Variants in TSHZ3 observed in about 807,000 individuals in gnomAD.
TSHZ3 encodes teashirt zinc finger homeobox 3.
A neutral mutation model predicts 64.5 loss-of-function variants in TSHZ3; 10 were observed. The ratio of observed to expected loss-of-function variants is 0.16; its 90% CI spans 0.10 to 0.26. The LOEUF is 0.26. TSHZ3 is among the 10% of genes least tolerant of loss of function. The pLI is 1.00. For missense variants in TSHZ3, 1,242 were observed against 1,421.7 expected (o/e 0.87, Z 2.03); for synonymous variants, 608 against 593.1 (o/e 1.03, Z -0.36).
chr19:31,228,189 A>T (rs946666598), intron 3 of TSHZ3, among the ~76,000 whole-genome samples: 2 of 152,162 alleles, frequency 1.3e-5, no homozygotes, highest in Non-Finnish European at 2.9e-5. Flanking sequence ...AAGAGCTTCA[A>T]GACATTATTG....
At chr19:31,178,243 A>C (rs1427491247) in intron 5 of TSHZ3, among the ~76,000 whole-genome samples, 1 of 152,216 alleles carries the variant, frequency 6.6e-6, no homozygotes. Context: ...CACAGTTTGC[A>C]GAGAGAGCTG....
chr19:31,188,382 T>C (rs902174208), intron 5 of TSHZ3, among the ~76,000 whole-genome samples: 2 of 151,986 alleles, frequency 1.3e-5, no homozygotes, highest in African/African-American at 4.8e-5. Context: ...CTGCCTATTG[T>C]ACTGGCTAAA....
At position 31,278,232 on chromosome 19, in the gene TSHZ3, C is replaced by T; in HGVS notation, c.1561G>A (p.Asp521Asn). The T allele has an allele frequency of 6.2e-7, 1 of 1,614,162 alleles. No individual in the cohort carries two copies. Among genetic ancestry groups the T allele is most frequent in the Non-Finnish European group, 8.5e-7 (1 of 1,180,018 alleles). Residue 521 changes from aspartate to asparagine, a missense_variant, in exon 2 of 2, where the codon GAT becomes AAT. Physicochemically the swap from Asp to Asn is conservative, Grantham distance 23. Transcript: ENST00000240587. This position sits in a 1 kb window ranked among gnomAD's most constrained non-coding sequence, Gnocchi z 4.7. The stretch of plus-strand genomic sequence containing the variant: ...GTGTTTTCCAAGGATTTGAGGATAT[C>T]AAGCCCCCCCTTGGGACTCTCTTCT... ...DLEESPKGGLDILKSLENTVT... is the reference protein window; with the variant it reads ...DLEESPKGGLNILKSLENTVT...
At chr19:31,219,818 A>C (rs142424628) in intron 4 of TSHZ3, among the ~76,000 whole-genome samples, 1 of 149,270 alleles carries the variant, frequency 6.7e-6, no homozygotes, top group Non-Finnish European at 1.5e-5. Context: ...TATATATATA[A>C]AAAATATATA....
chr19:31,292,935 A>G (rs1976595693), intron 1 of TSHZ3, among the ~76,000 whole-genome samples: 1 of 150,936 alleles, frequency 6.6e-6, no homozygotes, highest in Non-Finnish European at 1.5e-5. Context: ...AAACCCATCC[A>G]TCCAACCAAA....
At chr19:31,241,564 G>T (rs1158352578) in intron 3 of TSHZ3, among the ~76,000 whole-genome samples, 1 of 152,116 alleles carries the variant, frequency 6.6e-6, no homozygotes, top group African/African-American at 2.4e-5. Flanking sequence ...GTGCAGTCTG[G>T]TTCTCAGCCA....
intron 1 of TSHZ3, chr19:31,308,755 G>T: frequency 2.5e-6 from 1 of 398,534 alleles, no homozygotes; most frequent in South Asian, 1.3e-4. Flanking sequence ...GACCCCTGCT[G>T]AAATCCTGGC....
At chr19:31,230,098 T>C (rs1039250697) in intron 3 of TSHZ3, among the ~76,000 whole-genome samples, 1 of 152,194 alleles carries the variant, frequency 6.6e-6, no homozygotes, top group Non-Finnish European at 1.5e-5. Context: ...TTTAAAAATG[T>C]TCCCTGGAAG....
rs781332801 is a variant in TSHZ3, at chr19:31,277,705, C to A, written c.2088G>T (p.Lys696Asn). ...TGCCACTCAAACTGCTGGCTAGGGGCTTCACCAGCTCCTTGCCATTCTCCA... is the reference window on the plus strand; with the variant it reads ...TGCCACTCAAACTGCTGGCTAGGGGATTCACCAGCTCCTTGCCATTCTCCA... ...EPVENGKELV[K>N]PLASSLSGST... Residue 696 changes from lysine (K) to asparagine (N), a missense_variant, in exon 2 of 2, where the codon AAG (lysine) becomes AAT (asparagine). By Grantham distance (94) the Lys-to-Asn change is moderately conservative. Coordinates refer to ENST00000240587, the MANE Select transcript of TSHZ3 (RefSeq NM_020856.4). The surrounding 1 kb of genome is among the most constrained non-coding windows in gnomAD (Gnocchi z 4.5). 4 of 1,525,590 alleles carry A rather than the reference C, an allele frequency of 2.6e-6. No individual in the cohort carries two copies. Among genetic ancestry groups the A allele is most frequent in the Non-Finnish European group, 3.5e-6 (4 of 1,138,786 alleles). The allele number at this position is 1,525,590 out of a possible 1,614,324, so 94.5% of individuals were successfully genotyped here. A position where few individuals can be genotyped will look rare whatever the true frequency, so the allele number is the denominator to read the frequency against.
At chr19:31,282,977 G>A (rs112354387) in intron 1 of TSHZ3, among the ~76,000 whole-genome samples, 7 of 152,290 alleles carry the variant, frequency 4.6e-5, no homozygotes, top group African/African-American at 7.2e-5. Flanking sequence ...ATCTGAAGGT[G>A]AGAAGTATTT....
At chr19:31,223,870 C>T (rs1367216011) in intron 4 of TSHZ3, among the ~76,000 whole-genome samples, 1 of 152,084 alleles carries the variant, frequency 6.6e-6, no homozygotes, top group Non-Finnish European at 1.5e-5. Flanking sequence ...GGGGGTTCTT[C>T]CCTATAGACT....
intron 1 of TSHZ3, among the ~76,000 whole-genome samples, chr19:31,294,811 C>T (rs1048427255): frequency 6.6e-6 from 1 of 152,050 alleles, no homozygotes; most frequent in Admixed American, 6.5e-5. Context: ...ACCCTTAACA[C>T]CTTACCATCC....
chr19:31,202,770 C>A (rs764922430), intron 5 of TSHZ3, among the ~76,000 whole-genome samples: 1 of 152,164 alleles, frequency 6.6e-6, no homozygotes, highest in Non-Finnish European at 1.5e-5. Context: ...AAAGTCAGTA[C>A]ATATAATACA....
chr19:31,327,520 G>C (rs1383656144), intron 1 of TSHZ3, among the ~76,000 whole-genome samples: 1 of 152,208 alleles, frequency 6.6e-6, no homozygotes, highest in Non-Finnish European at 1.5e-5. Context: ...TTGAAAACAT[G>C]CATATAAGGC....
rs761906534 is a variant in TSHZ3, at chr19:31,277,798, G to T, written c.1995C>A (p.Arg665=). 2 of 1,541,896 alleles carry T rather than the reference G, an allele frequency of 1.3e-6. No individual in the cohort carries two copies. Among genetic ancestry groups the T allele is most frequent in the Non-Finnish European group, 1.7e-6 (2 of 1,147,286 alleles). The change falls in exon 2 of 2, where the codon CGC becomes CGA. Residue 665 remains arginine, a synonymous_variant. Coordinates refer to ENST00000240587, the MANE Select transcript of TSHZ3 (RefSeq NM_020856.4). This position sits in a 1 kb window ranked among gnomAD's most constrained non-coding sequence, Gnocchi z 4.5. ...GGGGGCTGGGGCTGTTCTCCTGGCT[G>T]CGGAAGCCCCCATCGCTGGATGCCT... The part of the protein sequence containing the change: ...KMEASSDGGF[R]SQENSPSPPR...
intron 1 of TSHZ3, among the ~76,000 whole-genome samples, chr19:31,259,851 C>A (rs1443438157): frequency 2.0e-5 from 3 of 152,104 alleles, no homozygotes; most frequent in Non-Finnish European, 1.5e-5. Flanking sequence ...CCAGCCCAGG[C>A]CAAGGATTTT....
chr19:31,212,981 G>A (rs551475382), intron 4 of TSHZ3, among the ~76,000 whole-genome samples: 13 of 152,204 alleles, frequency 8.5e-5, no homozygotes, highest in Non-Finnish European at 1.6e-4. Context: ...CTATAATAAA[G>A]TGAAAGAAGC....
intron 1 of TSHZ3, among the ~76,000 whole-genome samples, chr19:31,266,747 A>G (rs1338542276): frequency 6.6e-6 from 1 of 152,240 alleles, no homozygotes; most frequent in African/African-American, 2.4e-5. Flanking sequence ...TAAAATGGTA[A>G]TGGTGATATT....
intron 3 of TSHZ3, among the ~76,000 whole-genome samples, chr19:31,239,340 T>A (rs1975660718): frequency 6.6e-6 from 1 of 152,160 alleles, no homozygotes; most frequent in South Asian, 2.1e-4. Flanking sequence ...GGCTTTTATA[T>A]TTACAGACTC....
Sources: gnomAD v4.1 joint callset for allele counts (sites outside exome capture counted in the v4.1 genomes callset) on GRCh38, gnomAD v4.1.1 for gene constraint, Gnocchi (gnomAD v3.1) non-coding constraint, MANE v1.5 for transcripts, NCBI Gene and HGNC (gene_info 2026-07-23, HGNC 2026-07-21) for gene names.